Variants in FOXP1 observed in about 807,000 individuals in gnomAD.
The protein encoded by FOXP1 is forkhead box protein P1.
FOXP1 carries 15 observed loss-of-function variants against 98.2 expected under a neutral mutation model. The ratio of observed to expected loss-of-function variants is 0.15; its 90% confidence interval spans 0.10 to 0.24. The LOEUF (loss-of-function observed/expected upper bound fraction) is 0.24, where lower values mean the gene tolerates loss of function less well. Ranked by LOEUF, FOXP1 falls within the 10% of genes least tolerant of loss-of-function variation. The pLI, the probability that FOXP1 is intolerant of heterozygous loss-of-function variation, is 1.00. For missense variants in FOXP1, 633 were observed against 848.5 expected, an observed-to-expected ratio of 0.75 and a Z score of 3.15; for synonymous variants, 371 against 314.5, an observed-to-expected ratio of 1.18 and a Z score of -1.90.
At chr3:71,469,208 C>A (rs1005866844) in intron 3 of FOXP1, among the ~76,000 whole-genome samples, 3 of 152,100 alleles carry the variant, frequency 2.0e-5, no homozygotes, top group Non-Finnish European at 4.4e-5. Flanking sequence ...AATATTAACC[C>A]ATTTTATAAA....
chr3:71,185,136 T>C (rs2062569433), intron 6 of FOXP1, among the ~76,000 whole-genome samples: 1 of 151,958 alleles, frequency 6.6e-6, no homozygotes, highest in Non-Finnish European at 1.5e-5. Flanking sequence ...GAGGTTGCAG[T>C]GAGCCGAGAT....
intron 3 of FOXP1, among the ~76,000 whole-genome samples, chr3:71,369,273 G>T (rs1172402135): frequency 6.6e-6 from 1 of 151,938 alleles, no homozygotes; most frequent in Non-Finnish European, 1.5e-5. Flanking sequence ...AAGGGGCATA[G>T]CCTTGCCTCT....
intron 6 of FOXP1, among the ~76,000 whole-genome samples, chr3:71,142,251 T>C (rs950352361): frequency 6.6e-6 from 1 of 152,224 alleles, no homozygotes; most frequent in Non-Finnish European, 1.5e-5. Context: ...TTTAAGGTTG[T>C]AATGTCATGT....
At chr3:71,057,032 T>C (rs550036371) in intron 7 of FOXP1, among the ~76,000 whole-genome samples, 2 of 152,284 alleles carry the variant, frequency 1.3e-5, no homozygotes, top group South Asian at 2.1e-4. Context: ...GCAAGAGTGA[T>C]TGTAGCAGTC....
intron 4 of FOXP1, among the ~76,000 whole-genome samples, chr3:71,354,818 C>T (rs534274916): frequency 2.0e-5 from 3 of 152,280 alleles, no homozygotes; most frequent in East Asian, 1.9e-4. Context: ...ATTTAATCCT[C>T]GCAATAGCTC....
chr3:71,372,481 T>A (rs1039068537), intron 3 of FOXP1, among the ~76,000 whole-genome samples: 1 of 152,156 alleles, frequency 6.6e-6, no homozygotes, highest in African/African-American at 2.4e-5. Flanking sequence ...ACTCTCTGCT[T>A]CTTTATACTA....
At chr3:71,351,722 T>C (rs140756145) in intron 4 of FOXP1, among the ~76,000 whole-genome samples, 20 of 152,306 alleles carry the variant, frequency 1.3e-4, no homozygotes, top group South Asian at 2.1e-4. Flanking sequence ...GACCAAAGCT[T>C]TGGGAGGGAG....
chr3:71,112,454 G>T, intron 7 of FOXP1, 82 bp downstream of exon 7: 1 of 1,109,078 alleles, frequency 9.0e-7, no homozygotes, highest in Non-Finnish European at 1.4e-6. Context: ...GATTTGCAAT[G>T]CTCAACACAA....
chr3:71,253,444 A>G (rs912900671), intron 5 of FOXP1, among the ~76,000 whole-genome samples: 7 of 152,190 alleles, frequency 4.6e-5, no homozygotes, highest in Non-Finnish European at 7.3e-5. Context: ...ATGAAATGAT[A>G]CATGTCCAAG....
intron 12 of FOXP1, among the ~76,000 whole-genome samples, chr3:71,011,684 T>C (rs1273801181): frequency 6.6e-6 from 1 of 152,144 alleles, no homozygotes. Flanking sequence ...GTCTTACAAA[T>C]ATAAGTCAAT....
intron 5 of FOXP1, among the ~76,000 whole-genome samples, chr3:71,202,763 G>T (rs2063754529): frequency 6.6e-6 from 1 of 152,044 alleles, no homozygotes; most frequent in African/African-American, 2.4e-5. Flanking sequence ...CAATGAGAGT[G>T]GCAGGTGGAC....
intron 3 of FOXP1, among the ~76,000 whole-genome samples, chr3:71,375,724 A>G (rs2079663481): frequency 6.6e-6 from 1 of 152,242 alleles, no homozygotes; most frequent in Admixed American, 6.5e-5. Context: ...AATGTCATTA[A>G]AAGACAAGGA....
At chr3:71,563,101 G>A (rs1193121779) in intron 2 of FOXP1, among the ~76,000 whole-genome samples, 1 of 152,176 alleles carries the variant, frequency 6.6e-6, no homozygotes, top group African/African-American at 2.4e-5. Context: ...AGAGGGGTGT[G>A]TGTATGTGTA....
chr3:71,431,076 G>A (rs1218688873), intron 3 of FOXP1, among the ~76,000 whole-genome samples: 1 of 152,222 alleles, frequency 6.6e-6, no homozygotes, highest in Non-Finnish European at 1.5e-5. Flanking sequence ...GGTGGAAGAT[G>A]AGCCGGTGGA....
At chr3:71,071,760 G>C (rs1338062629) in intron 7 of FOXP1, among the ~76,000 whole-genome samples, 2 of 152,034 alleles carry the variant, frequency 1.3e-5, no homozygotes, top group African/African-American at 4.8e-5. Flanking sequence ...TTTTAGTAGA[G>C]ACGGTGTTTC....
At chr3:71,383,459 A>G (rs1173781072) in intron 3 of FOXP1, among the ~76,000 whole-genome samples, 1 of 152,180 alleles carries the variant, frequency 6.6e-6, no homozygotes, top group Admixed American at 6.5e-5. Flanking sequence ...TATCAATGAG[A>G]AAATGTTGGT....
chr3:71,401,553 CT>C (rs1447247195), intron 3 of FOXP1, among the ~76,000 whole-genome samples: 1 of 152,204 alleles, frequency 6.6e-6, no homozygotes, highest in Non-Finnish European at 1.5e-5. Context: ...TTACATTTTC[CT>C]TGTTTTTAAT....
chr3:71,562,410 T>C (rs1341148997), intron 2 of FOXP1, among the ~76,000 whole-genome samples: 1 of 152,192 alleles, frequency 6.6e-6, no homozygotes, highest in Non-Finnish European at 1.5e-5. Flanking sequence ...CTAAGGGTCA[T>C]GCGGCTTGTC....
chr3:71,494,938 A>G lies in FOXP1; in HGVS notation c.-297-1383T>C, dbSNP rs1376348161. Among the ~76,000 whole-genome samples the G allele has an allele frequency of 2.0e-5, 3 of 152,124 alleles. 1 individual carries two copies. Among genetic ancestry groups the G allele is most frequent in the Non-Finnish European group, 4.4e-5 (3 of 68,016 alleles). ...CATAGAAAAAAAAAAAAAGAAAAGA[A>G]AAAAGAAAAAGAAAAGAAATGAAGA... On this transcript the variant is annotated intron_variant, in intron 2 of 20. Transcript: ENST00000649528.
Sources: allele counts gnomAD v4.1 joint callset (sites outside exome capture counted in the v4.1 genomes callset), GRCh38; gene constraint gnomAD v4.1.1; transcripts MANE v1.5; gene names NCBI Gene and HGNC (gene_info 2026-07-23, HGNC 2026-07-21).